SSPN: variants seen among roughly 807,000 people sequenced by gnomAD.
SSPN encodes the protein sarcospan, also known as K-ras oncogene-associated protein.
Under a neutral mutation model 19.1 loss-of-function variants are expected in SSPN, and 15 were observed. That is an observed-to-expected ratio of 0.78 (90% CI 0.52 to 1.21). The LOEUF (loss-of-function observed/expected upper bound fraction) is 1.21, where lower values mean the gene tolerates loss of function less well. Among genes scored for constraint, SSPN ranks in the 50% most tolerant of loss-of-function variants. The pLI, the probability that SSPN is intolerant of heterozygous loss-of-function variation, is 0.00. For missense variants in SSPN, 291 were observed against 314.0 expected, an observed-to-expected ratio of 0.93 and a Z score of 0.55; for synonymous variants, 147 against 140.3, an observed-to-expected ratio of 1.05 and a Z score of -0.34.
intron 1 of SSPN, among the ~76,000 whole-genome samples, chr12:26,185,223 CATTT>C (rs1271072896): frequency 1.4e-4 from 21 of 152,272 alleles, no homozygotes; most frequent in African/African-American, 4.8e-4. Flanking sequence ...ATTCAATAAA[CATTT>C]ATTGAGTGCC....
chr12:26,195,641 G>GCTCCCCCCCCCCC lies in SSPN; in HGVS notation c.-31_-30insTCCCCCCCCCCCC. 1 of 1,105,400 alleles carries GCTCCCCCCCCCCC rather than the reference G, an allele frequency of 9.0e-7. No homozygotes were observed. Among genetic ancestry groups the GCTCCCCCCCCCCC allele is most frequent in the Non-Finnish European group, 1.1e-6 (1 of 878,118 alleles). 68.5% of individuals were successfully genotyped at this position (1,105,400 alleles called of 1,614,324 possible). On this transcript the variant is annotated 5_prime_UTR_variant, in exon 1 of 3. Coordinates refer to ENST00000242729, the MANE Select transcript of SSPN (RefSeq NM_005086.5). ...CTCCAGGGCCCAGGGCGCCGCACAC[G>GCTCCCCCCCCCCC]CACCCACCCACCCACCCAGCCTCGC...
intron 1 of SSPN, among the ~76,000 whole-genome samples, chr12:26,137,223 A>G (rs1414696373): frequency 6.6e-6 from 1 of 152,174 alleles, no homozygotes; most frequent in African/African-American, 2.4e-5. Context: ...CAAATAGTAA[A>G]TGGCAGAGCC....
intron 1 of SSPN, chr12:26,125,283 A>AG (rs1449726511): frequency 3.1e-5 from 1 of 32,652 alleles, no homozygotes; most frequent in African/African-American, 1.6e-4. Context: ...CGGCAGGAGG[A>AG]GGGGGGAGTG....
chr12:26,166,880 T>C (rs772593476), intron 1 of SSPN, among the ~76,000 whole-genome samples: 1 of 152,354 alleles, frequency 6.6e-6, no homozygotes, highest in Non-Finnish European at 1.5e-5. Flanking sequence ...AACTGTGGAA[T>C]AAGCAATATG....
At chr12:26,134,306 C>T (rs1332904687) in intron 1 of SSPN, among the ~76,000 whole-genome samples, 2 of 152,234 alleles carry the variant, frequency 1.3e-5, no homozygotes, top group African/African-American at 4.8e-5. Flanking sequence ...ACTCAACCTT[C>T]GGGTGTCATC....
At chr12:26,176,845 C>A (rs1334726899) in intron 1 of SSPN, among the ~76,000 whole-genome samples, 1 of 152,178 alleles carries the variant, frequency 6.6e-6, no homozygotes, top group Non-Finnish European at 1.5e-5. Flanking sequence ...GTACAGCAAC[C>A]TCCCTCTTGA....
Position 26,147,562 on chromosome 12 carries a change from C to T in SSPN, c.-31+25410C>T, listed in dbSNP as rs191532712. On this transcript the variant is annotated intron_variant, in intron 1 of 2. Transcript: ENST00000538142. Reference sequence around the variant, plus strand: ...CTGAGATTACCAGCGTGAGCCACCACGCCCAGCCCAGCAATAATATTTACA... The same window carrying T: ...CTGAGATTACCAGCGTGAGCCACCATGCCCAGCCCAGCAATAATATTTACA... Among the ~76,000 whole-genome samples the T allele has an allele frequency of 4.6e-5, 7 of 152,244 alleles. No individual in the cohort carries two copies. In the East Asian group the frequency reaches 5.8e-4, roughly 13 times the overall value.
At chr12:26,185,836 C>T (rs1469058455) in intron 1 of SSPN, among the ~76,000 whole-genome samples, 2 of 152,212 alleles carry the variant, frequency 1.3e-5, no homozygotes, top group African/African-American at 4.8e-5. Context: ...GCCTTACACA[C>T]AATTCTGTCC....
chr12:26,229,468 A>G (rs548823130), intron 2 of SSPN, among the ~76,000 whole-genome samples: 27 of 152,388 alleles, frequency 1.8e-4, no homozygotes, highest in African/African-American at 6.5e-4. Context: ...AAACACTTGA[A>G]ATCATCACTG....
intron 1 of SSPN, among the ~76,000 whole-genome samples, chr12:26,156,521 A>C (rs1944556816): frequency 6.6e-6 from 1 of 152,202 alleles, no homozygotes. Flanking sequence ...TCCCTCATCA[A>C]GGCTGAGTAA....
chr12:26,201,047 TATATATATATA>T (rs1944879768), intron 1 of SSPN, among the ~76,000 whole-genome samples: 13 of 51,040 alleles, frequency 2.5e-4, no homozygotes, highest in Non-Finnish European at 4.0e-4. Context: ...ATATATATAT[TATATATATATA>T]TTTGGAAATA....
chr12:26,132,405 A>C (rs1944402016), intron 1 of SSPN, among the ~76,000 whole-genome samples: 1 of 152,222 alleles, frequency 6.6e-6, no homozygotes, highest in Non-Finnish European at 1.5e-5. Context: ...AAAGTGGAAT[A>C]ATTATCCTAA....
intron 1 of SSPN, among the ~76,000 whole-genome samples, chr12:26,220,613 A>G (rs1350026055): frequency 6.6e-6 from 1 of 152,162 alleles, no homozygotes; most frequent in Non-Finnish European, 1.5e-5. Flanking sequence ...ATTGCTTCAC[A>G]TATGGTGATG....
intron 1 of SSPN, among the ~76,000 whole-genome samples, chr12:26,201,031 A>ATAT (rs375083991): frequency 0.14 from 8,144 of 60,040 alleles, 374 homozygotes; most frequent in East Asian, 0.34. Context: ...ATATATATAT[A>ATAT]TATATATATA....
intron 1 of SSPN, among the ~76,000 whole-genome samples, chr12:26,178,338 AC>A (rs1282673581): frequency 6.6e-6 from 1 of 151,466 alleles, no homozygotes; most frequent in Non-Finnish European, 1.5e-5. Flanking sequence ...TATTATAAGG[AC>A]TAAATGTATG....
intron 1 of SSPN, chr12:26,123,278 T>C (rs1944331419): frequency 9.6e-6 from 13 of 1,358,978 alleles, no homozygotes; most frequent in Middle Eastern, 2.1e-4. Context: ...ACTAAAGTGA[T>C]CTCGGTTTTT....
chr12:26,186,201 T>C (rs1197759042), intron 1 of SSPN, among the ~76,000 whole-genome samples: 1 of 91,914 alleles, frequency 1.1e-5, no homozygotes, highest in African/African-American at 7.9e-5. Context: ...GCATCAGGAA[T>C]GTTAAAAAAA....
chr12:26,171,314 G>C (rs962325372), intron 1 of SSPN, among the ~76,000 whole-genome samples: 3 of 152,086 alleles, frequency 2.0e-5, no homozygotes, highest in Non-Finnish European at 2.9e-5. Context: ...TAATAGTTTT[G>C]GTTCATTAAT....
In SSPN at chr12:26,231,031, G is replaced by C. The variant is rs1205845668; in HGVS notation, c.687G>C (p.Arg229Ser). Reference sequence around the variant, plus strand: ...ACCAGGTCTTCTATGTGGGTGTCAGGATATGCTCCCTCACGGCTTCCGAAG... The same window carrying C: ...ACCAGGTCTTCTATGTGGGTGTCAGCATATGCTCCCTCACGGCTTCCGAAG... ...HRYQVFYVGV[R>S]ICSLTASEGP... Residue 229 changes from arginine to serine, a missense_variant, in exon 3 of 3, where the codon AGG (arginine) becomes AGC (serine). Around this residue, in one of 3 missense-constraint regions of SSPN, gnomAD observed 141 missense variants for 166.7 expected, o/e 0.85. Coordinates refer to ENST00000242729, the MANE Select transcript of SSPN (RefSeq NM_005086.5). 1 of 1,614,184 alleles carries C rather than the reference G, an allele frequency of 6.2e-7. No homozygotes were observed. The highest frequency in any genetic ancestry group is 2.2e-5 in the East Asian group (1 of 44,886).
Sources: allele counts gnomAD v4.1 joint callset (sites outside exome capture counted in the v4.1 genomes callset), GRCh38; gene constraint gnomAD v4.1.1; regional missense constraint gnomAD v4.1.1; transcripts MANE v1.5; gene names NCBI Gene and HGNC (gene_info 2026-07-23, HGNC 2026-07-21).